Variants in CACNA1G observed in about 807,000 individuals in gnomAD.
CACNA1G encodes the protein voltage-dependent T-type calcium channel subunit alpha-1G.
Under a neutral mutation model 219.4 loss-of-function variants are expected in CACNA1G, and 67 were observed. That is an observed-to-expected ratio of 0.31 (90% CI 0.25 to 0.37). The LOEUF is 0.37. Ranked by LOEUF, CACNA1G falls within the 10% of genes least tolerant of loss-of-function variation. CACNA1G has a pLI of 1.00. For synonymous variants in CACNA1G, 1,296 were observed against 1,345.3 expected, an observed-to-expected ratio of 0.96 and a Z score of 0.80; for missense variants, 2,380 against 3,231.4, an observed-to-expected ratio of 0.74 and a Z score of 6.39.
chr17:50,561,727 G>C (rs763881694), intron 1 of CACNA1G, 26 bp downstream of exon 1: 2 of 1,538,518 alleles, frequency 1.3e-6, no homozygotes, highest in East Asian at 4.7e-5. Flanking sequence ...CGACGGCCAG[G>C]CGCGGGGTCA....
At chr17:50,566,116 C>A (rs924730145) in intron 1 of CACNA1G, among the ~76,000 whole-genome samples, 4 of 152,198 alleles carry the variant, frequency 2.6e-5, no homozygotes, top group Admixed American at 6.5e-5. Context: ...TTCTCCTCCC[C>A]TGCATAAGGA....
intron 37 of CACNA1G, 150 bp downstream of exon 37, chr17:50,624,679 A>T (rs1202713315): frequency 1.2e-6 from 1 of 839,068 alleles, no homozygotes; most frequent in East Asian, 2.7e-5. Context: ...GGGACACAGT[A>T]CTGGGCAAAG....
In CACNA1G at chr17:50,582,831, G is replaced by T. The variant is rs191303911; in HGVS notation, c.2301+4267G>T. Among the ~76,000 whole-genome samples the T allele has an allele frequency of 1.3e-3, 205 of 152,204 alleles. 3 individuals are homozygous for T. The highest frequency in any genetic ancestry group is 4.5e-3 in the African/African-American group (185 of 41,532). ...GCTGTAGACGGGGAGAGGAAGGGGA[G>T]GGACCAGGGTAGATGGCCTTGCAGG... is the stretch of plus-strand genomic sequence containing the variant. On this transcript the variant is annotated intron_variant, in intron 9 of 37. Transcript: ENST00000359106.
chr17:50,575,903 C>G lies in CACNA1G; in HGVS notation c.1501C>G (p.His501Asp), dbSNP rs750741896. ...CCACCTGGTGCACCACCACCACCAC[C>G]ATCACCACCACTACCACCTGGGCAA... ...VHHLVHHHHH[H>D]HHHYHLGNGT... is the part of the protein sequence containing the mutation. Residue 501 changes from histidine to aspartate, a missense_variant, in exon 8 of 38, where the codon CAT becomes GAT. By Grantham distance (81) the His-to-Asp change is moderately conservative. Around this residue, in one of 17 missense-constraint regions of CACNA1G, gnomAD observed 434 missense variants for 417.3 expected, o/e 1.04. Transcript: ENST00000359106. 21 of 1,557,886 alleles carry G rather than the reference C, an allele frequency of 1.3e-5. No homozygotes were observed. Among genetic ancestry groups the G allele is most frequent in the Admixed American group, 1.1e-4 (6 of 52,180 alleles).
At position 50,590,373 on chromosome 17, in the gene CACNA1G, A is replaced by G. The variant is rs12936750; in HGVS notation, c.2302-98A>G. 0.41 allele frequency: 560,803 copies of G among 1,357,916 alleles called. 124,387 individuals carry two copies. The highest frequency in any genetic ancestry group is 0.91 in the East Asian group (39,483 of 43,456). The allele number at this position is 1,357,916 out of a possible 1,614,324, so 84.1% of individuals were successfully genotyped here. A position where few individuals can be genotyped will look rare whatever the true frequency, so the allele number is the denominator to read the frequency against. On this transcript the variant is annotated intron_variant, in intron 9 of 37. Transcript: ENST00000359106. ...AGCAACCCCTCCGCACAAGCTTGCTATTCCTGCTCCTCCTCTCCCTGGTGT... is the reference window on the plus strand; with the variant it reads ...AGCAACCCCTCCGCACAAGCTTGCTGTTCCTGCTCCTCCTCTCCCTGGTGT...
intron 9 of CACNA1G, among the ~76,000 whole-genome samples, chr17:50,579,058 G>A (rs1598203663): frequency 6.6e-6 from 1 of 152,124 alleles, no homozygotes; most frequent in Admixed American, 6.5e-5. Context: ...ATGAAGGCCT[G>A]TTGGGGTCAG....
At position 50,608,024 on chromosome 17, in the gene CACNA1G, G is replaced by C; in HGVS notation, c.4705+5G>C. 6.2e-7 allele frequency: 1 copy of C among 1,600,920 alleles called. No individual in the cohort carries two copies. The highest frequency in any genetic ancestry group is 8.5e-7 in the Non-Finnish European group (1 of 1,173,638). ...GACTGGAGAAAAAGAGAAGGAGTAAGGAGAAGCAGATGGCTGGTCGGTAGT... is the reference window on the plus strand; with the variant it reads ...GACTGGAGAAAAAGAGAAGGAGTAACGAGAAGCAGATGGCTGGTCGGTAGT... On this transcript the variant is annotated splice_donor_5th_base_variant and intron_variant, in intron 25 of 37. Transcript: ENST00000359106.
rs538152058 is a variant in CACNA1G, at chr17:50,608,525, G to A, written c.4705+506G>A. On this transcript the variant is annotated intron_variant, in intron 25 of 37. Coordinates refer to ENST00000359106, the MANE Select transcript of CACNA1G (RefSeq NM_018896.5). ...TATCTCTAACAAAACTTTCTACCAT[G>A]ATATATATATATATATATATATATT... 1.8e-3 allele frequency among the ~76,000 whole-genome samples: 256 copies of A among 141,814 alleles called. 2 individuals carry two copies. The highest frequency in any genetic ancestry group is 6.5e-3 in the African/African-American group (249 of 38,554). The allele number at this position is 141,814 out of a possible 152,430, so 93.0% of individuals were successfully genotyped here.
At chr17:50,625,107 C>G (rs780418732) in intron 37 of CACNA1G, among the ~76,000 whole-genome samples, 8 of 152,188 alleles carry the variant, frequency 5.3e-5, no homozygotes, top group Non-Finnish European at 1.2e-4. Flanking sequence ...CATGCGCCAC[C>G]ATGCCTGGAT....
chr17:50,618,443 C>T lies in CACNA1G; in HGVS notation c.5427+100C>T. ...ATTGGCCACAAATAAAAGCATGTGA[C>T]CTTCTCTCCCCCGTGCTAGAACACT... On this transcript the variant is annotated intron_variant, in intron 32 of 37. Transcript: ENST00000359106. This position sits in a 1 kb window ranked among gnomAD's most constrained non-coding sequence, Gnocchi z 5.3. 7 of 1,475,602 alleles carry T rather than the reference C, an allele frequency of 4.7e-6. No individual in the cohort carries two copies. Among genetic ancestry groups the T allele is most frequent in the Non-Finnish European group, 6.5e-6 (7 of 1,071,042 alleles). The allele number at this position is 1,475,602 out of a possible 1,614,324, so 91.4% of individuals were successfully genotyped here.
chr17:50,619,563 G>A lies in CACNA1G; in HGVS notation c.5782-120G>A, dbSNP rs2051293713. On this transcript the variant is annotated intron_variant, in intron 33 of 37. Transcript: ENST00000359106. ...GTGCACATGTGCATGTGTGTTGTCT[G>A]GGTGTCACCTCTTTCTCCTCTGTTT... is the stretch of plus-strand genomic sequence containing the variant. 17 of 775,566 alleles carry A rather than the reference G, an allele frequency of 2.2e-5. No homozygotes were observed. The South Asian group carries it at 2.7e-4, about 12-fold the overall frequency. The allele number at this position is 775,566 out of a possible 1,614,324, so 48.0% of individuals were successfully genotyped here. A position where few individuals can be genotyped will look rare whatever the true frequency, so the allele number is the denominator to read the frequency against.
At chr17:50,580,438 G>A (rs1482705608) in intron 9 of CACNA1G, among the ~76,000 whole-genome samples, 2 of 152,156 alleles carry the variant, frequency 1.3e-5, no homozygotes, top group Non-Finnish European at 2.9e-5. Context: ...TACCCCGGGG[G>A]GAGCACCCAG....
intron 21 of CACNA1G, 51 bp from the exon 22 acceptor site, chr17:50,604,104 G>T (rs371445170): frequency 6.3e-7 from 1 of 1,581,182 alleles, no homozygotes; most frequent in African/African-American, 1.3e-5. Flanking sequence ...AGGGACAAGG[G>T]AGGGTCTGGG....
intron 25 of CACNA1G, among the ~76,000 whole-genome samples, chr17:50,609,369 G>A (rs1228825338): frequency 6.6e-6 from 1 of 152,162 alleles, no homozygotes; most frequent in South Asian, 2.1e-4. Context: ...CACCCCCAAG[G>A]CCTTCTGCTC....
At position 50,561,769 on chromosome 17, in the gene CACNA1G, G is replaced by A. The variant is rs1297146737; in HGVS notation, c.242+68G>A. 6.9e-6 allele frequency: 10 copies of A among 1,458,824 alleles called. No individual in the cohort carries two copies. The East Asian group carries it at 2.0e-4, about 29-fold the overall frequency. The allele number at this position is 1,458,824 out of a possible 1,614,324, so 90.4% of individuals were successfully genotyped here. On this transcript the variant is annotated intron_variant, in intron 1 of 37. Coordinates refer to ENST00000359106, the MANE Select transcript of CACNA1G (RefSeq NM_018896.5). ...GGACGGGCCGCACCGCCGGGGGTCG[G>A]GGGGGAAGAAGACCCACCGCCAGGT... is the stretch of plus-strand genomic sequence containing the variant.
chr17:50,561,236 G>A lies in CACNA1G; in HGVS notation c.-224G>A, dbSNP rs1227318098. The A allele has an allele frequency of 5.4e-6, 3 of 551,934 alleles. No individual in the cohort carries two copies. In the African/African-American group the frequency reaches 6.1e-5, roughly 11 times the overall value. 34.2% of individuals were successfully genotyped at this position (551,934 alleles called of 1,614,324 possible). Reference sequence around the variant, plus strand: ...AGCCCCAGGGGCGCAGGGGAAGCGGGACTCGCGCCGGGCGGGGTTTCCCTG... The same window carrying A: ...AGCCCCAGGGGCGCAGGGGAAGCGGAACTCGCGCCGGGCGGGGTTTCCCTG... On this transcript the variant is annotated 5_prime_UTR_variant, in exon 1 of 38. Transcript: ENST00000359106.
intron 9 of CACNA1G, among the ~76,000 whole-genome samples, chr17:50,580,949 G>A (rs556208784): frequency 2.6e-5 from 4 of 152,204 alleles, no homozygotes; most frequent in East Asian, 1.9e-4. Flanking sequence ...GGTTGCCAGG[G>A]AAGGCAGCAA....
intron 9 of CACNA1G, among the ~76,000 whole-genome samples, chr17:50,587,356 C>T (rs752831448): frequency 8.5e-5 from 13 of 152,126 alleles, no homozygotes; most frequent in Non-Finnish European, 1.8e-4. Context: ...TGAAATCCCA[C>T]GAGGAGGTCT....
chr17:50,619,122 T>G (rs2051168704), intron 33 of CACNA1G, 114 bp downstream of exon 33: 1 of 783,774 alleles, frequency 1.3e-6, no homozygotes, highest in Admixed American at 3.0e-5. Context: ...TCCTGGAGGC[T>G]CCCGCCCTCC....
Sources: gnomAD v4.1 joint callset for allele counts (sites outside exome capture counted in the v4.1 genomes callset) on GRCh38, gnomAD v4.1.1 for gene constraint, gnomAD v4.1.1 regional missense constraint, Gnocchi (gnomAD v3.1) non-coding constraint, MANE v1.5 for transcripts, NCBI Gene and HGNC (gene_info 2026-07-23, HGNC 2026-07-21) for gene names.